MUCL1: variants seen among roughly 807,000 people sequenced by gnomAD.
MUCL1 encodes the protein mucin-like protein 1.
A neutral mutation model predicts 9.2 loss-of-function variants in MUCL1; 11 were observed. The ratio of observed to expected loss-of-function variants is 1.19; its 90% CI spans 0.75 to 1.97. The LOEUF (loss-of-function observed/expected upper bound fraction) is 1.97. MUCL1 is among the 30% of genes most tolerant of loss of function. The pLI is 0.00. For synonymous variants in MUCL1, 48 were observed against 40.5 expected (o/e 1.19, Z -0.71); for missense variants, 144 against 110.9 (o/e 1.30, Z -1.34).
At chr12:54,838,895 A>G (rs751824538), upstream of MUCL1, among the ~76,000 whole-genome samples, 1 of 151,996 alleles carries the variant, frequency 6.6e-6, no homozygotes, top group African/African-American at 2.4e-5. Flanking sequence ...TGGCTTCATA[A>G]TCAACATTTT....
intron 1 of MUCL1, among the ~76,000 whole-genome samples, chr12:54,848,335 T>A (rs12825989): frequency 0.18 from 27,866 of 152,028 alleles, 2,784 homozygotes; most frequent in Non-Finnish European, 0.24. Context: ...AGGTTTGTGA[T>A]CCTTGAGTAA....
chr12:54,834,211 A>T (rs1041753290), intron 1 of MUCL1, among the ~76,000 whole-genome samples: 3 of 152,044 alleles, frequency 2.0e-5, no homozygotes, highest in Non-Finnish European at 4.4e-5. Flanking sequence ...TACACTTATT[A>T]TTTAGATATA....
Position 54,858,229 on chromosome 12 carries a change from G to C in MUCL1, c.260G>C (p.Arg87Thr), listed in dbSNP as rs1371614713. Residue 87 changes from arginine (R) to threonine (T), a missense_variant, in exon 4 of 4, where the codon AGA (arginine) becomes ACA (threonine). Physicochemically the swap from Arg to Thr is moderately conservative, Grantham distance 71. Coordinates refer to ENST00000308796, the MANE Select transcript of MUCL1 (RefSeq NM_058173.3). The part of the protein sequence containing the change: ...PKWVGDLPNG[R>T]VCP ...TGGGTTGGGGATCTCCCGAATGGTA[G>C]AGTGTGTCCCTGAGATGGAATCAGC... 2.6e-5 allele frequency: 42 copies of C among 1,613,424 alleles called. No homozygotes were observed. The highest frequency in any genetic ancestry group is 3.3e-5 in the Non-Finnish European group (39 of 1,179,620).
chr12:54,845,192 G>T lies in MUCL1; in HGVS notation c.43+5745G>T, dbSNP rs916128551. On this transcript the variant is annotated intron_variant, in intron 1 of 3. Transcript: ENST00000546809. Reference sequence around the variant, plus strand: ...GCCTCAAGGTAGTTAACACAATGGAGATGGTTCATCTTCTTAGATACTTTC... The same window carrying T: ...GCCTCAAGGTAGTTAACACAATGGATATGGTTCATCTTCTTAGATACTTTC... Among the ~76,000 whole-genome samples, 4 of 76,486 alleles carry T rather than the reference G, an allele frequency of 5.2e-5. No homozygotes were observed. The East Asian group carries it at 1.8e-3, about 34-fold the overall frequency. 50.2% of individuals were successfully genotyped at this position (76,486 alleles called of 152,430 possible).
intron 1 of MUCL1, among the ~76,000 whole-genome samples, chr12:54,849,212 A>G (rs374505950): frequency 7.2e-5 from 11 of 152,294 alleles, no homozygotes; most frequent in African/African-American, 2.6e-4. Context: ...TTGCATCTAC[A>G]TATATTTGCC....
At chr12:54,853,254 G>A (rs188144311), upstream of MUCL1, among the ~76,000 whole-genome samples, 3 of 152,314 alleles carry the variant, frequency 2.0e-5, no homozygotes, top group East Asian at 5.8e-4. Context: ...AATTCCCTAT[G>A]ATTCTGGGTA....
At chr12:54,852,295 G>A (rs573810060), upstream of MUCL1, among the ~76,000 whole-genome samples, 7 of 152,246 alleles carry the variant, frequency 4.6e-5, no homozygotes, top group South Asian at 1.4e-3. Context: ...CATGGTACTG[G>A]TACCAAAACA....
At chr12:54,850,177 A>G (rs1481652909), upstream of MUCL1, among the ~76,000 whole-genome samples, 1 of 152,090 alleles carries the variant, frequency 6.6e-6, no homozygotes, top group Non-Finnish European at 1.5e-5. Context: ...TTTTATTATT[A>G]CACTTTAAGT....
chr12:54,850,522 G>A (rs910865557), upstream of MUCL1, among the ~76,000 whole-genome samples: 14 of 152,142 alleles, frequency 9.2e-5, no homozygotes, highest in East Asian at 1.7e-3. Context: ...GTATTCCATG[G>A]TGTATATGTG....
At position 54,856,877 on chromosome 12, in the gene MUCL1, C is replaced by A. The variant is rs148032746; in HGVS notation, c.208C>A (p.Arg70Ser). ...AACCACCGCTGCTTCTACCACTGCT[C>A]GTAAAGACATTCCAGGTAGCAAGAC... The part of the protein sequence containing the change: ...TATTAASTTA[R>S]KDIPVLPKWV... The change falls in exon 3 of 4, where the codon CGT becomes AGT. Residue 70 changes from arginine to serine, a missense_variant. Coordinates refer to ENST00000308796, the MANE Select transcript of MUCL1 (RefSeq NM_058173.3). 3.0e-4 allele frequency: 480 copies of A among 1,613,768 alleles called. 6 individuals are homozygous for A. The highest frequency in any genetic ancestry group is 1.5e-3 in the Middle Eastern group (9 of 6,056).
intron 3 of MUCL1, 34 bp from the exon 4 acceptor site, chr12:54,858,159 C>T (rs756454064): frequency 2.0e-5 from 32 of 1,611,966 alleles, no homozygotes; most frequent in African/African-American, 6.7e-5. Context: ...CATCCTTTGT[C>T]GAAGCCCCTT....
intron 1 of MUCL1, among the ~76,000 whole-genome samples, chr12:54,847,169 T>G (rs1959269090): frequency 6.6e-6 from 1 of 152,216 alleles, no homozygotes; most frequent in Non-Finnish European, 1.5e-5. Flanking sequence ...CTTCCTTCTT[T>G]CTTTTCCTCT....
intron 1 of MUCL1, among the ~76,000 whole-genome samples, chr12:54,843,505 C>T (rs1046070096): frequency 9.2e-5 from 14 of 152,096 alleles, no homozygotes; most frequent in African/African-American, 2.2e-4. Context: ...TGATTAAGGT[C>T]GCAGATGAAG....
At chr12:54,836,846 T>A (rs1378409150), upstream of MUCL1, among the ~76,000 whole-genome samples, 1 of 152,240 alleles carries the variant, frequency 6.6e-6, no homozygotes, top group Non-Finnish European at 1.5e-5. Context: ...AACCTCAAAA[T>A]CATTCAGGAG....
Position 54,832,637 on chromosome 12 carries a change from T to C in MUCL1, n.357+1762T>C, listed in dbSNP as rs530310097. Among the ~76,000 whole-genome samples, 3 of 152,266 alleles carry C rather than the reference T, an allele frequency of 2.0e-5. No homozygotes were observed. In the South Asian group the frequency reaches 6.2e-4, roughly 32 times the overall value. On this transcript the variant is annotated intron_variant and non_coding_transcript_variant, in intron 1 of 3. Coordinates refer to the MUCL1 transcript ENST00000547990. ...TGACATTTTTGACAATCTCTAACAATCGGATGCTTTATGAGGTCTTTTTGA... is the reference window on the plus strand; with the variant it reads ...TGACATTTTTGACAATCTCTAACAACCGGATGCTTTATGAGGTCTTTTTGA...
intron 1 of MUCL1, among the ~76,000 whole-genome samples, chr12:54,841,922 T>C (rs1039974010): frequency 6.6e-6 from 1 of 152,164 alleles, no homozygotes; most frequent in African/African-American, 2.4e-5. Flanking sequence ...GTTTTCTTCT[T>C]GGAGTTTTAC....
upstream of MUCL1, among the ~76,000 whole-genome samples, chr12:54,838,047 G>T (rs773032986): frequency 6.6e-6 from 1 of 152,158 alleles, no homozygotes; most frequent in Non-Finnish European, 1.5e-5. Context: ...TATGCTTCAA[G>T]TGGTTCTATT....
chr12:54,850,483 A>T (rs966479057), upstream of MUCL1, among the ~76,000 whole-genome samples: 4 of 152,130 alleles, frequency 2.6e-5, no homozygotes, highest in African/African-American at 4.8e-5. Context: ...TACAAAGGAC[A>T]TGAACTCATC....
upstream of MUCL1, among the ~76,000 whole-genome samples, chr12:54,850,011 G>A (rs1959312821): frequency 6.6e-6 from 1 of 152,118 alleles, no homozygotes; most frequent in Non-Finnish European, 1.5e-5. Context: ...TTCAGCTTGG[G>A]CAAACCAGCA....
Sources: allele counts gnomAD v4.1 joint callset (sites outside exome capture counted in the v4.1 genomes callset), GRCh38; gene constraint gnomAD v4.1.1; transcripts MANE v1.5; gene names NCBI Gene and HGNC (gene_info 2026-07-23, HGNC 2026-07-21).